The following NTRK3 variants were observed in gnomAD, a reference collection of about 807,000 sequenced individuals.
NTRK3 encodes neurotrophic receptor tyrosine kinase 3.
A neutral mutation model predicts 91.7 loss-of-function variants in NTRK3; 24 were observed. The ratio of observed to expected loss-of-function variants is 0.26; its 90% CI spans 0.19 to 0.37. The LOEUF is 0.37. Ranked by LOEUF, NTRK3 falls within the 10% of genes least tolerant of loss-of-function variation. The pLI, the probability that NTRK3 is intolerant of heterozygous loss-of-function variation, is 1.00. For synonymous variants in NTRK3, 483 were observed against 404.0 expected (o/e 1.20, Z -2.34); for missense variants, 880 against 1,068.9 (o/e 0.82, Z 2.46).
chr15:88,077,400 C>A (rs963677362), intron 13 of NTRK3, among the ~76,000 whole-genome samples: 2 of 152,094 alleles, frequency 1.3e-5, no homozygotes, highest in Admixed American at 6.5e-5. Context: ...CCAACATTTT[C>A]CAGTCTGCCT....
intron 15 of NTRK3, among the ~76,000 whole-genome samples, chr15:87,935,797 C>G (rs1435154319): frequency 6.6e-6 from 1 of 152,202 alleles, no homozygotes; most frequent in Non-Finnish European, 1.5e-5. Context: ...AAGCATCCCC[C>G]AGGCTGGCAC....
At chr15:88,044,672 G>A (rs560987376) in intron 13 of NTRK3, among the ~76,000 whole-genome samples, 1 of 149,460 alleles carries the variant, frequency 6.7e-6, no homozygotes, top group South Asian at 2.1e-4. Context: ...CTAAATCAAA[G>A]ATGCTGAAAT....
At chr15:88,145,468 A>G (rs574683400) in intron 6 of NTRK3, among the ~76,000 whole-genome samples, 6 of 152,186 alleles carry the variant, frequency 3.9e-5, no homozygotes, top group South Asian at 2.1e-4. Context: ...TCATTCCTCC[A>G]TAAGTCACAT....
At chr15:88,135,511 C>A in intron 9 of NTRK3, 114 bp from the exon 10 acceptor site, 1 of 1,216,260 alleles carries the variant, frequency 8.2e-7, no homozygotes, top group Non-Finnish European at 1.2e-6. Flanking sequence ...TCTGAAAAGG[C>A]TGAGGGAAGC....
At chr15:87,880,450 GCA>G (rs766815534) in intron 17 of NTRK3, 22 bp from the exon 19 acceptor site, 3 of 1,613,070 alleles carry the variant, frequency 1.9e-6, no homozygotes, top group East Asian at 4.5e-5. Flanking sequence ...TGAGATAGAG[GCA>G]CACAGAGTGA....
At chr15:87,889,093 T>C (rs2065712491) in intron 17 of NTRK3, among the ~76,000 whole-genome samples, 1 of 152,170 alleles carries the variant, frequency 6.6e-6, no homozygotes, top group Non-Finnish European at 1.5e-5. Flanking sequence ...AGAGGGGACA[T>C]GGCAGCCAGG....
At chr15:88,000,842 G>A (rs1395176859) in intron 14 of NTRK3, among the ~76,000 whole-genome samples, 3 of 152,084 alleles carry the variant, frequency 2.0e-5, no homozygotes, top group Admixed American at 2.0e-4. Context: ...GCATGAACAC[G>A]TTTTCAATTC....
At chr15:88,048,470 A>G (rs1373041232) in intron 13 of NTRK3, among the ~76,000 whole-genome samples, 1 of 152,206 alleles carries the variant, frequency 6.6e-6, no homozygotes, top group Non-Finnish European at 1.5e-5. Flanking sequence ...TAATGCTGAC[A>G]CAGGTACATT....
At chr15:88,160,671 C>T (rs954274378) in intron 5 of NTRK3, among the ~76,000 whole-genome samples, 15 of 152,192 alleles carry the variant, frequency 9.9e-5, no homozygotes, top group Non-Finnish European at 2.1e-4. Context: ...AGACTCAACC[C>T]TGGGGATCAC....
intron 13 of NTRK3, among the ~76,000 whole-genome samples, chr15:88,051,759 A>C (rs550907035): frequency 6.6e-6 from 1 of 152,352 alleles, no homozygotes; most frequent in East Asian, 1.9e-4. Context: ...TGGTTAGCTA[A>C]CTCAAGAACT....
intron 14 of NTRK3, among the ~76,000 whole-genome samples, chr15:88,008,935 G>A (rs190754136): frequency 2.0e-5 from 3 of 152,174 alleles, no homozygotes; most frequent in Non-Finnish European, 2.9e-5. Context: ...AGCCCCCCTC[G>A]GGCCTAGAGA....
intron 3 of NTRK3, among the ~76,000 whole-genome samples, chr15:88,210,805 C>A (rs2049173604): frequency 1.3e-5 from 2 of 152,168 alleles, no homozygotes; most frequent in Admixed American, 6.5e-5. Flanking sequence ...ACTTCTGCGT[C>A]AACTTCCATC....
At chr15:88,012,962 CCT>C (rs1476316478) in intron 14 of NTRK3, among the ~76,000 whole-genome samples, 3 of 152,218 alleles carry the variant, frequency 2.0e-5, no homozygotes, top group Non-Finnish European at 2.9e-5. Flanking sequence ...TTGGATAACC[CCT>C]GACTTCGAAG....
At chr15:87,987,582 A>T (rs566285775) in intron 14 of NTRK3, among the ~76,000 whole-genome samples, 4 of 151,050 alleles carry the variant, frequency 2.6e-5, no homozygotes, top group Non-Finnish European at 5.9e-5. Flanking sequence ...GGAGTTTGTT[A>T]TTTATTCTCT....
chr15:88,065,108 C>G (rs1202805985), intron 13 of NTRK3, among the ~76,000 whole-genome samples: 4 of 152,064 alleles, frequency 2.6e-5, no homozygotes, highest in African/African-American at 9.7e-5. Flanking sequence ...TTACAGGCAC[C>G]AATTCAAGCT....
At chr15:87,940,514 TG>T (rs2069726694) in intron 15 of NTRK3, 108 bp downstream of exon 15, 52 of 1,556,018 alleles carry the variant, frequency 3.3e-5, no homozygotes, top group Non-Finnish European at 3.8e-5. Flanking sequence ...TGATTGCATC[TG>T]AGAAAGCCAA....
intron 13 of NTRK3, among the ~76,000 whole-genome samples, chr15:88,056,882 A>G (rs2142385534): frequency 6.6e-6 from 1 of 152,314 alleles, no homozygotes; most frequent in South Asian, 2.1e-4. Flanking sequence ...ACACAAAGAA[A>G]TGTGTCGGCC....
At chr15:88,256,732 AC>A in exon 1 of NTRK3, 1 of 348,678 alleles carries the variant, frequency 2.9e-6, no homozygotes, top group Middle Eastern at 7.2e-4. Flanking sequence ...GCAGAAATGT[AC>A]AAGTGCTCCG....
chr15:87,862,952 C>A (rs2064565624), exon 19 of NTRK3: 1 of 230,480 alleles, frequency 4.3e-6, no homozygotes, highest in Non-Finnish European at 8.6e-6. Flanking sequence ...CAGATGCACA[C>A]TGAGTCAAAC....
Sources: allele counts gnomAD v4.1 joint callset (sites outside exome capture counted in the v4.1 genomes callset), GRCh38; gene constraint gnomAD v4.1.1; transcripts MANE v1.5; gene names NCBI Gene and HGNC (gene_info 2026-07-23, HGNC 2026-07-21).